Variants in REDIC1 observed in about 807,000 individuals in gnomAD.
The protein encoded by REDIC1 is HEI10 Interacting Protein 1.
chr12:39,809,841 C>T, the REDIC1 span, among the ~76,000 whole-genome samples: 1 of 152,168 alleles, frequency 6.6e-6, no homozygotes, highest in Non-Finnish European at 1.5e-5. Context: ...ATGAACTCAT[C>T]CTTTTTTATG....
the REDIC1 span, chr12:39,682,752 A>G: frequency 6.2e-7 from 1 of 1,613,316 alleles, no homozygotes; most frequent in Non-Finnish European, 8.5e-7. Flanking sequence ...ATGGAAAGGA[A>G]GTTTCAAATT....
chr12:39,650,203 A>T, the REDIC1 span: 1 of 1,518,410 alleles, frequency 6.6e-7, no homozygotes, highest in Non-Finnish European at 8.8e-7. This position sits in a 1 kb window ranked among gnomAD's most constrained non-coding sequence, Gnocchi z 4.3. Context: ...ATGTACATTT[A>T]CTATTTTGGC....
At chr12:39,639,241 A>G in the REDIC1 span, among the ~76,000 whole-genome samples, 1 of 152,052 alleles carries the variant, frequency 6.6e-6, no homozygotes, top group Non-Finnish European at 1.5e-5. Flanking sequence ...CAGTACACTT[A>G]TGATGCTGCA....
the REDIC1 span, chr12:39,908,085 C>G: frequency 1.3e-5 from 2 of 151,968 alleles, no homozygotes; most frequent in African/African-American, 4.8e-5. Context: ...GAGCGGGCCC[C>G]TTTCTTCCTA....
At chr12:39,806,138 C>T in the REDIC1 span, among the ~76,000 whole-genome samples, 2 of 152,114 alleles carry the variant, frequency 1.3e-5, no homozygotes, top group South Asian at 4.2e-4. Context: ...CAAGAGCTTC[C>T]GAGAACACGA....
At chr12:39,833,975 C>G in the REDIC1 span, among the ~76,000 whole-genome samples, 4 of 151,568 alleles carry the variant, frequency 2.6e-5, no homozygotes, top group South Asian at 2.1e-4. Flanking sequence ...GGTTCCTTCT[C>G]TATATCCAGA....
chr12:39,656,223 A>G, the REDIC1 span, among the ~76,000 whole-genome samples: 3 of 152,336 alleles, frequency 2.0e-5, no homozygotes, highest in South Asian at 2.1e-4. Flanking sequence ...GTATTCCATC[A>G]TGTTTAATTT....
chr12:39,737,711 A>C, the REDIC1 span, among the ~76,000 whole-genome samples: 6 of 152,336 alleles, frequency 3.9e-5, no homozygotes, highest in Admixed American at 1.3e-4. Context: ...TTTGACTTCA[A>C]AGCCTATGCT....
chr12:39,701,775 A>G, the REDIC1 span, among the ~76,000 whole-genome samples: 1 of 152,116 alleles, frequency 6.6e-6, no homozygotes, highest in African/African-American at 2.4e-5. Context: ...AGAACTCAGG[A>G]TTAAGAATCT....
At chr12:39,674,917 G>A in the REDIC1 span, among the ~76,000 whole-genome samples, 122 of 152,314 alleles carry the variant, frequency 8.0e-4, 2 homozygotes, top group African/African-American at 2.6e-3. Context: ...GGTGGGGTGC[G>A]AATGGGAAAT....
the REDIC1 span, among the ~76,000 whole-genome samples, chr12:39,702,999 A>G: frequency 6.6e-6 from 1 of 152,212 alleles, no homozygotes; most frequent in Non-Finnish European, 1.5e-5. Context: ...CAAAAACTGG[A>G]AGCATTCCCT....
chr12:39,779,449 T>C, the REDIC1 span, among the ~76,000 whole-genome samples: 1 of 152,180 alleles, frequency 6.6e-6, no homozygotes, highest in Non-Finnish European at 1.5e-5. Flanking sequence ...GATAGTAAAC[T>C]TCAGTGAGAA....
chr12:39,739,066 A>G, the REDIC1 span, among the ~76,000 whole-genome samples: 1 of 151,538 alleles, frequency 6.6e-6, no homozygotes, highest in Non-Finnish European at 1.5e-5. Context: ...ATGGGAAACT[A>G]CTTCATTTTA....
At chr12:39,742,559 C>T in the REDIC1 span, among the ~76,000 whole-genome samples, 15 of 152,006 alleles carry the variant, frequency 9.9e-5, no homozygotes, top group Admixed American at 9.8e-4. Context: ...AGAGGGCTTC[C>T]CTGCCCGTGA....
At chr12:39,649,078 G>A in the REDIC1 span, among the ~76,000 whole-genome samples, 1 of 151,784 alleles carries the variant, frequency 6.6e-6, no homozygotes, top group Admixed American at 6.6e-5. Flanking sequence ...TTTAAGGATA[G>A]AGGATAAAAC....
chr12:39,797,740 A>ACACG, the REDIC1 span, among the ~76,000 whole-genome samples: 11 of 131,368 alleles, frequency 8.4e-5, no homozygotes, highest in Admixed American at 8.2e-4. Context: ...ACACACACAC[A>ACACG]CACACACACA....
the REDIC1 span, among the ~76,000 whole-genome samples, chr12:39,763,600 G>C: frequency 2.0e-5 from 3 of 152,058 alleles, no homozygotes; most frequent in South Asian, 6.2e-4. Flanking sequence ...GAAATGATAA[G>C]TGGCCAGAGC....
the REDIC1 span, among the ~76,000 whole-genome samples, chr12:39,901,170 C>A: frequency 6.6e-6 from 1 of 152,138 alleles, no homozygotes; most frequent in Non-Finnish European, 1.5e-5. Context: ...CTTCCTTACA[C>A]CTTATACAAA....
At chr12:39,812,215 G>A in the REDIC1 span, among the ~76,000 whole-genome samples, 1 of 152,090 alleles carries the variant, frequency 6.6e-6, no homozygotes, top group Non-Finnish European at 1.5e-5. Flanking sequence ...GAATGGAAGA[G>A]GGAATCTATC....
Sources: allele counts gnomAD v4.1 joint callset (sites outside exome capture counted in the v4.1 genomes callset), GRCh38; gene constraint gnomAD v4.1.1; non-coding constraint Gnocchi (gnomAD v3.1); transcripts MANE v1.5; gene names NCBI Gene and HGNC (gene_info 2026-07-23, HGNC 2026-07-21).